The following RARB variants were observed in gnomAD, a reference collection of about 807,000 sequenced individuals.
RARB encodes HBV-activated protein.
A neutral mutation model predicts 51.9 loss-of-function variants in RARB; 17 were observed. The observed-to-expected ratio is 0.33, with a 90% CI of 0.22 to 0.49. The LOEUF (loss-of-function observed/expected upper bound fraction) is 0.49, where lower values mean the gene tolerates loss of function less well. RARB is among the 20% of genes least tolerant of loss of function. RARB has a pLI of 0.99. For synonymous variants in RARB, 215 were observed against 195.4 expected, an observed-to-expected ratio of 1.10 and a Z score of -0.84; for missense variants, 369 against 550.8, an observed-to-expected ratio of 0.67 and a Z score of 3.30.
At chr3:25,588,629 G>C (rs1701496152) in intron 5 of RARB, among the ~76,000 whole-genome samples, 1 of 152,138 alleles carries the variant, frequency 6.6e-6, no homozygotes, top group South Asian at 2.1e-4. Flanking sequence ...GTTCTGGCTC[G>C]GTATCTGTCA....
At chr3:25,403,891 A>AAAAT (rs1707333657) in intron 5 of RARB, among the ~76,000 whole-genome samples, 1 of 150,524 alleles carries the variant, frequency 6.6e-6, no homozygotes, top group Non-Finnish European at 1.5e-5. Context: ...TTTTCTAAAA[A>AAAAT]AAAAAAAAAA....
At chr3:25,103,967 C>A (rs770103088) in intron 3 of RARB, among the ~76,000 whole-genome samples, 1 of 152,142 alleles carries the variant, frequency 6.6e-6, no homozygotes, top group Non-Finnish European at 1.5e-5. Context: ...AGATTAGGTG[C>A]CCAATTAGCC....
At chr3:25,123,607 C>A (rs902309376) in intron 3 of RARB, among the ~76,000 whole-genome samples, 1 of 152,166 alleles carries the variant, frequency 6.6e-6, no homozygotes, top group Non-Finnish European at 1.5e-5. Context: ...GCTGGACTAT[C>A]CTCATTCCCT....
intron 3 of RARB, among the ~76,000 whole-genome samples, chr3:25,555,902 G>C (rs1359904122): frequency 6.6e-6 from 1 of 152,164 alleles, no homozygotes; most frequent in Non-Finnish European, 1.5e-5. Flanking sequence ...AGCCCATTCT[G>C]GGCATGGGTG....
chr3:24,866,533 G>T (rs918945233), intron 2 of RARB, among the ~76,000 whole-genome samples: 3 of 152,046 alleles, frequency 2.0e-5, no homozygotes, highest in Non-Finnish European at 2.9e-5. Flanking sequence ...AATAGGCTTC[G>T]TGGGGGGAAT....
intron 5 of RARB, among the ~76,000 whole-genome samples, chr3:25,289,440 C>T (rs1023973047): frequency 6.6e-6 from 1 of 152,214 alleles, no homozygotes; most frequent in Non-Finnish European, 1.5e-5. Flanking sequence ...AAGGCCAGGT[C>T]TGTCCACAGA....
intron 3 of RARB, among the ~76,000 whole-genome samples, chr3:25,507,812 G>T (rs1365751654): frequency 1.3e-5 from 2 of 152,178 alleles, no homozygotes; most frequent in African/African-American, 2.4e-5. Context: ...GGTGCTGTGA[G>T]GAAGGGAGAG....
intron 3 of RARB, among the ~76,000 whole-genome samples, chr3:25,076,145 TA>T (rs1167466506): frequency 0.027 from 2,111 of 77,282 alleles, 37 homozygotes; most frequent in African/African-American, 0.063. Flanking sequence ...AGCAGTTATT[TA>T]TTTTTTTTTT....
chr3:25,236,707 CT>C (rs1702308304), intron 5 of RARB, among the ~76,000 whole-genome samples: 1 of 151,962 alleles, frequency 6.6e-6, no homozygotes, highest in African/African-American at 2.4e-5. Flanking sequence ...TAATGTATGT[CT>C]GCTGCTGTTT....
chr3:25,130,590 C>T (rs1042026603), intron 3 of RARB, among the ~76,000 whole-genome samples: 1 of 151,872 alleles, frequency 6.6e-6, no homozygotes, highest in Non-Finnish European at 1.5e-5. Context: ...CCCTGGATTA[C>T]ATCTCCTATT....
At chr3:24,894,227 C>T (rs1294607595) in intron 2 of RARB, among the ~76,000 whole-genome samples, 1 of 151,832 alleles carries the variant, frequency 6.6e-6, no homozygotes, top group Non-Finnish European at 1.5e-5. Flanking sequence ...AGGTAGTGAG[C>T]ATAGTACCTG....
Position 25,501,194 on chromosome 3 carries a change from A to C in RARB, c.319A>C (p.Arg107=), listed in dbSNP as rs763594415. The C allele has an allele frequency of 1.5e-5, 23 of 1,576,796 alleles. No homozygotes were observed. In the South Asian group the frequency reaches 2.6e-4, roughly 18 times the overall value. ...ACEGCKGFFR[R]SIQKNMIYTC... is the part of the protein sequence containing the mutation. ...TGCTTGCTTGCAGGGCTTTTTCCGC[A>C]GAAGTATTCAGAAGAATATGATTTA... Residue 107 remains arginine, a synonymous_variant, in exon 3 of 8, where the codon AGA becomes CGA. Coordinates refer to ENST00000330688, the MANE Select transcript of RARB (RefSeq NM_000965.5).
intron 5 of RARB, among the ~76,000 whole-genome samples, chr3:25,587,490 G>T (rs973255781): frequency 6.6e-6 from 1 of 152,144 alleles, no homozygotes; most frequent in African/African-American, 2.4e-5. Context: ...AGTTAAAATA[G>T]ATTATTAAAA....
chr3:24,954,353 A>G (rs1695963463), intron 2 of RARB, among the ~76,000 whole-genome samples: 1 of 152,226 alleles, frequency 6.6e-6, no homozygotes, highest in African/African-American at 2.4e-5. Context: ...ATGGGGGCTG[A>G]GTTCTATTAC....
chr3:25,538,039 C>T (rs1175294762), intron 3 of RARB, among the ~76,000 whole-genome samples: 1 of 152,138 alleles, frequency 6.6e-6, no homozygotes, highest in Non-Finnish European at 1.5e-5. Flanking sequence ...TTTTCAGGGG[C>T]TTCCAAGTAA....
intron 5 of RARB, among the ~76,000 whole-genome samples, chr3:25,319,662 T>G (rs1445909942): frequency 6.6e-6 from 1 of 152,038 alleles, no homozygotes; most frequent in Non-Finnish European, 1.5e-5. Flanking sequence ...TTTTTTCTCC[T>G]GAATAGCAGA....
intron 2 of RARB, among the ~76,000 whole-genome samples, chr3:24,931,057 T>A (rs1489973248): frequency 1.3e-5 from 2 of 152,018 alleles, no homozygotes; most frequent in Non-Finnish European, 2.9e-5. Context: ...AGTTAAGTGA[T>A]TTGTTCAAGG....
At chr3:25,005,188 A>G (rs1226913909) in intron 2 of RARB, among the ~76,000 whole-genome samples, 1 of 152,210 alleles carries the variant, frequency 6.6e-6, no homozygotes, top group Admixed American at 6.5e-5. Context: ...TGAATGAAAT[A>G]GCCTCCTAGC....
At chr3:25,391,715 T>C (rs1239460963) in intron 5 of RARB, among the ~76,000 whole-genome samples, 1 of 152,206 alleles carries the variant, frequency 6.6e-6, no homozygotes, top group Non-Finnish European at 1.5e-5. Context: ...ATTTATGTCC[T>C]TAGCCCACTT....
Sources: allele counts gnomAD v4.1 joint callset (sites outside exome capture counted in the v4.1 genomes callset), GRCh38; gene constraint gnomAD v4.1.1; transcripts MANE v1.5; gene names NCBI Gene and HGNC (gene_info 2026-07-23, HGNC 2026-07-21).